The following MAT1A variants were observed in gnomAD, a reference collection of about 807,000 sequenced individuals.
The protein encoded by MAT1A is S-adenosylmethionine synthase isoform type-1.
Under a neutral mutation model 44.0 loss-of-function variants are expected in MAT1A, and 19 were observed. The observed-to-expected ratio is 0.43, with a 90% CI of 0.30 to 0.63. MAT1A has a LOEUF of 0.63. Among genes scored for constraint, MAT1A ranks in the 30% least tolerant of loss-of-function variants. The pLI, the probability that MAT1A is intolerant of heterozygous loss-of-function variation, is 0.12. For synonymous variants in MAT1A, 205 were observed against 205.6 expected, an observed-to-expected ratio of 1.00 and a Z score of 0.03; for missense variants, 397 against 531.0, an observed-to-expected ratio of 0.75 and a Z score of 2.48.
chr10:80,279,931 C>CA (rs905709557), intron 5 of MAT1A, among the ~76,000 whole-genome samples: 18 of 149,618 alleles, frequency 1.2e-4, no homozygotes, highest in African/African-American at 2.0e-4. Context: ...AATGAGCAAA[C>CA]AAAAAAAACG....
chr10:80,275,682 C>G (rs1054491102), intron 6 of MAT1A, among the ~76,000 whole-genome samples: 1 of 152,188 alleles, frequency 6.6e-6, no homozygotes, highest in Admixed American at 6.5e-5. Flanking sequence ...TGCTCTACTC[C>G]CCCTTTTAGA....
chr10:80,280,459 G>T, intron 4 of MAT1A, 143 bp from the exon 5 acceptor site: 1 of 1,156,956 alleles, frequency 8.6e-7, no homozygotes, highest in Non-Finnish European at 1.3e-6. Flanking sequence ...GCAGGGGAAG[G>T]ACGTCATCCC....
chr10:80,277,481 G>A (rs1289658025), intron 5 of MAT1A, among the ~76,000 whole-genome samples: 1 of 152,212 alleles, frequency 6.6e-6, no homozygotes, highest in East Asian at 1.9e-4. Context: ...TCCTGGCCAT[G>A]TAAGATCTGC....
intron 4 of MAT1A, among the ~76,000 whole-genome samples, 153 bp downstream of exon 4, chr10:80,280,527 G>C (rs575328652): frequency 6.6e-6 from 1 of 152,268 alleles, no homozygotes; most frequent in African/African-American, 2.4e-5. Flanking sequence ...AGCAACCACA[G>C]CCATCCACAG....
chr10:80,278,778 G>A (rs1309327104), intron 5 of MAT1A, among the ~76,000 whole-genome samples: 2 of 152,208 alleles, frequency 1.3e-5, no homozygotes, highest in Non-Finnish European at 2.9e-5. Flanking sequence ...GTTGTACATG[G>A]AGCCACACAC....
intron 1 of MAT1A, among the ~76,000 whole-genome samples, chr10:80,286,245 A>G (rs1210776316): frequency 6.6e-6 from 1 of 152,144 alleles, no homozygotes; most frequent in Non-Finnish European, 1.5e-5. Context: ...AACATCTACA[A>G]AAGTCCTGAA....
chr10:80,274,137 C>A (rs1342454842), intron 8 of MAT1A, among the ~76,000 whole-genome samples: 1 of 152,256 alleles, frequency 6.6e-6, no homozygotes, highest in African/African-American at 2.4e-5. Flanking sequence ...TCCTCCCACT[C>A]CACTTACCTG....
At chr10:80,286,615 T>A (rs995558832) in intron 1 of MAT1A, among the ~76,000 whole-genome samples, 2 of 152,170 alleles carry the variant, frequency 1.3e-5, no homozygotes, top group Non-Finnish European at 2.9e-5. Context: ...CCTTAAAGAC[T>A]CTGCAGGGTC....
In MAT1A at chr10:80,274,391, A is replaced by T. The variant is rs536517593; in HGVS notation, c.1085+129T>A. The T allele has an allele frequency of 4.0e-5, 53 of 1,330,306 alleles. No homozygotes were observed. In the South Asian group the frequency reaches 6.1e-4, roughly 15 times the overall value. The allele number at this position is 1,330,306 out of a possible 1,614,324, so 82.4% of individuals were successfully genotyped here. On this transcript the variant is annotated intron_variant, in intron 8 of 8. Coordinates refer to ENST00000372213, the MANE Select transcript of MAT1A (RefSeq NM_000429.3). Reference sequence around the variant, plus strand: ...CACTGGGGATGCACTGTGCTGTACCAAGAGCTCACAGACCCTCCCACTTCT... The same window carrying T: ...CACTGGGGATGCACTGTGCTGTACCTAGAGCTCACAGACCCTCCCACTTCT...
rs578206143 is a variant in MAT1A, at chr10:80,279,368, CG to C, written c.549+804del. On this transcript the variant is annotated intron_variant, in intron 5 of 8. Coordinates refer to ENST00000372213, the MANE Select transcript of MAT1A (RefSeq NM_000429.3). ...GAGGGAGGTGGCAGGGTGCTGCACA[CG>C]GCAGGCTCTCAGGGCCCATCTGCTT... is the stretch of plus-strand genomic sequence containing the variant. Among the ~76,000 whole-genome samples, 316 of 152,112 alleles carry C rather than the reference CG, an allele frequency of 2.1e-3. 2 individuals are homozygous for C. Among genetic ancestry groups the C allele is most frequent in the Non-Finnish European group, 3.1e-3 (210 of 68,010 alleles).
In MAT1A at chr10:80,273,424, C is replaced by A. The variant is rs1415934745; in HGVS notation, c.*357G>T. 5.8e-6 allele frequency: 2 copies of A among 342,406 alleles called. No individual in the cohort carries two copies. The highest frequency in any genetic ancestry group is 7.5e-5 in the East Asian group (1 of 13,320). 21.2% of individuals were successfully genotyped at this position (342,406 alleles called of 1,614,324 possible). A position where few individuals can be genotyped will look rare whatever the true frequency, so the allele number is the denominator to read the frequency against. ...GGCCTGTTGAGATGTGCTGACCTCA[C>A]CTGGCACAGGCAAGGGGAGGGAGGG... is the stretch of plus-strand genomic sequence containing the variant. On this transcript the variant is annotated 3_prime_UTR_variant, in exon 9 of 9. Transcript: ENST00000372213.
chr10:80,286,021 G>A (rs1220867824), intron 1 of MAT1A, among the ~76,000 whole-genome samples: 4 of 152,052 alleles, frequency 2.6e-5, no homozygotes, highest in South Asian at 2.1e-4. Context: ...TAGAGATGGC[G>A]TTTCACCATG....
intron 3 of MAT1A, 30 bp downstream of exon 3, chr10:80,283,886 G>A (rs758473102): frequency 1.6e-5 from 26 of 1,613,120 alleles, no homozygotes; most frequent in African/African-American, 2.7e-5. Context: ...GAGAGCAACA[G>A]GGATTTCAGA....
At chr10:80,273,992 G>A (rs536252954) in intron 8 of MAT1A, 109 bp from the exon 9 acceptor site, 71 of 814,564 alleles carry the variant, frequency 8.7e-5, no homozygotes, top group African/African-American at 5.9e-4. Flanking sequence ...AGCCCTCCTC[G>A]CATGGCACTA....
In MAT1A at chr10:80,275,064, C is replaced by G. The variant is rs1217919441; in HGVS notation, c.904G>C (p.Ala302Pro). 1 of 1,569,850 alleles carries G rather than the reference C, an allele frequency of 6.4e-7. No homozygotes were observed. Among genetic ancestry groups the G allele is most frequent in the Non-Finnish European group, 8.6e-7 (1 of 1,158,164 alleles). Residue 302 changes from alanine to proline, a missense_variant, in exon 7 of 9, where the codon GCC becomes CCC. Ala to Pro is a conservative substitution (Grantham distance 27, BLOSUM62 -1). Transcript: ENST00000372213. ...AGCCCTGCTTTCACCAGAGACTTGG[C>G]CACCCAGCGGGCAGCATATGCAGCT... ...RSAAYAARWV[A>P]KSLVKAGLCR... is the part of the protein sequence containing the mutation.
chr10:80,284,135 C>T (rs1344120978), intron 2 of MAT1A, 97 bp from the exon 3 acceptor site: 3 of 1,486,744 alleles, frequency 2.0e-6, no homozygotes, highest in East Asian at 2.4e-5. Flanking sequence ...AGAAAAGACA[C>T]AGGAGGGGCC....
intron 1 of MAT1A, among the ~76,000 whole-genome samples, chr10:80,285,829 C>CTT (rs58596616): frequency 7.0e-5 from 10 of 142,694 alleles, no homozygotes; most frequent in African/African-American, 2.3e-4. Flanking sequence ...AAAGAAATAC[C>CTT]TTTTTTTTTT....
chr10:80,273,549 G>C lies in MAT1A; in HGVS notation c.*232C>G. On this transcript the variant is annotated 3_prime_UTR_variant, in exon 9 of 9. Coordinates refer to ENST00000372213, the MANE Select transcript of MAT1A (RefSeq NM_000429.3). ...AAATTAACATTGCCCCAGTCTGAGG[G>C]AGCAGCAGGAGAACACCATGCCCAT... 1.8e-6 allele frequency: 1 copy of C among 553,478 alleles called. No individual in the cohort carries two copies. Among genetic ancestry groups the C allele is most frequent in the East Asian group, 3.1e-5 (1 of 31,910 alleles). The allele number at this position is 553,478 out of a possible 1,614,324, so 34.3% of individuals were successfully genotyped here. A position where few individuals can be genotyped will look rare whatever the true frequency, so the allele number is the denominator to read the frequency against.
chr10:80,279,223 G>T (rs1247636800), intron 5 of MAT1A, among the ~76,000 whole-genome samples: 1 of 152,184 alleles, frequency 6.6e-6, no homozygotes, highest in Non-Finnish European at 1.5e-5. Context: ...TCCTGGCCTG[G>T]CTGGGATGAT....
Sources: gnomAD v4.1 joint callset for allele counts (sites outside exome capture counted in the v4.1 genomes callset) on GRCh38, gnomAD v4.1.1 for gene constraint, MANE v1.5 for transcripts, NCBI Gene and HGNC (gene_info 2026-07-23, HGNC 2026-07-21) for gene names.